XKR5: variants seen among roughly 807,000 people sequenced by gnomAD.
XKR5 encodes the protein XK-related protein 5.
A neutral mutation model predicts 40.8 loss-of-function variants in XKR5; 46 were observed. That is an observed-to-expected ratio of 1.13 (90% CI 0.89 to 1.44). The LOEUF is 1.44. XKR5 is among the 40% of genes most tolerant of loss of function. The pLI is 0.00. For synonymous variants in XKR5, 466 were observed against 356.1 expected (o/e 1.31, Z -3.48); for missense variants, 1,169 against 844.7 (o/e 1.38, Z -4.76).
At chr8:6,813,194 C>A (rs1354316446) in intron 6 of XKR5, among the ~76,000 whole-genome samples, 1 of 152,168 alleles carries the variant, frequency 6.6e-6, no homozygotes, top group Non-Finnish European at 1.5e-5. Flanking sequence ...AGACCCAGAT[C>A]AAGCAGCTGG....
At chr8:6,830,872 A>G (rs1043310696) in intron 2 of XKR5, among the ~76,000 whole-genome samples, 3 of 152,192 alleles carry the variant, frequency 2.0e-5, no homozygotes, top group African/African-American at 7.2e-5. Context: ...TGTGGGGTCC[A>G]CTGTGAAATA....
chr8:6,820,462 A>G (rs748244203), intron 5 of XKR5, among the ~76,000 whole-genome samples: 1 of 152,248 alleles, frequency 6.6e-6, no homozygotes, highest in African/African-American at 2.4e-5. Context: ...TGACAAATGC[A>G]AGCAAACAAG....
intron 2 of XKR5, 97 bp from the exon 3 acceptor site, chr8:6,825,446 A>C (rs1804422041): frequency 1.6e-5 from 20 of 1,268,022 alleles, no homozygotes; most frequent in Admixed American, 3.2e-5. Flanking sequence ...GCTAAGCAAT[A>C]TCCTATGCCC....
chr8:6,818,963 G>A (rs910435232), intron 5 of XKR5, among the ~76,000 whole-genome samples: 4 of 152,248 alleles, frequency 2.6e-5, no homozygotes, highest in South Asian at 2.1e-4. Context: ...GATCACTTGA[G>A]CCTAGAAAGT....
intron 2 of XKR5, among the ~76,000 whole-genome samples, chr8:6,832,243 GA>G (rs1163184232): frequency 1.3e-5 from 2 of 151,474 alleles, no homozygotes; most frequent in African/African-American, 4.9e-5. Flanking sequence ...CTTCTTTAGA[GA>G]AAAAACTAGC....
intron 2 of XKR5, among the ~76,000 whole-genome samples, chr8:6,830,602 T>A (rs776005490): frequency 2.0e-5 from 3 of 152,268 alleles, no homozygotes; most frequent in Non-Finnish European, 4.4e-5. Flanking sequence ...TTCATCTCGA[T>A]ACCTGGCCTT....
intron 6 of XKR5, among the ~76,000 whole-genome samples, chr8:6,814,016 C>G (rs867062518): frequency 6.6e-6 from 1 of 152,194 alleles, no homozygotes; most frequent in African/African-American, 2.4e-5. Context: ...TTAGACCTCC[C>G]GGCCGGCAAG....
chr8:6,820,077 G>A (rs2047901436), intron 5 of XKR5, among the ~76,000 whole-genome samples: 1 of 152,220 alleles, frequency 6.6e-6, no homozygotes, highest in Non-Finnish European at 1.5e-5. Context: ...TGGGTGTGGG[G>A]GCAGGGGGAG....
rs114708970 is a variant in XKR5, at chr8:6,835,352, G to A, written c.58+84C>T. 9,898 of 1,307,676 alleles carry A rather than the reference G, an allele frequency of 7.6e-3. 321 individuals carry two copies. The highest frequency in any genetic ancestry group is 0.069 in the African/African-American group (4,468 of 64,452). 81.0% of individuals were successfully genotyped at this position (1,307,676 alleles called of 1,614,324 possible). A position where few individuals can be genotyped will look rare whatever the true frequency, so the allele number is the denominator to read the frequency against. On this transcript the variant is annotated intron_variant, in intron 1 of 6. Coordinates refer to ENST00000618742, the MANE Select transcript of XKR5 (RefSeq NM_207411.5). ...GCAGGCTGGGGCAGTGCCCGCCCGG[G>A]CATAGGCAGCCTGTGCGGCTCCCGG...
intron 2 of XKR5, among the ~76,000 whole-genome samples, chr8:6,831,774 G>A (rs1387880564): frequency 6.6e-6 from 1 of 152,144 alleles, no homozygotes; most frequent in African/African-American, 2.4e-5. Context: ...CCAGCACTTT[G>A]GGAGGCCAAG....
chr8:6,812,019 T>A lies in XKR5; in HGVS notation c.1240A>T (p.Thr414Ser), dbSNP rs1803733039. 2 of 1,537,358 alleles carry A rather than the reference T, an allele frequency of 1.3e-6. No individual in the cohort carries two copies. The highest frequency in any genetic ancestry group is 2.7e-5 in the African/African-American group (2 of 73,032). The change falls in exon 7 of 7, where the codon ACA (threonine) becomes TCA (serine). Residue 414 changes from threonine to serine, a missense_variant. Coordinates refer to ENST00000618742, the MANE Select transcript of XKR5 (RefSeq NM_207411.5). ...HWLWVKLALKTGNVSKINAAF... is the reference protein window; with the variant it reads ...HWLWVKLALKSGNVSKINAAF... ...GCATTGATCTTAGACACATTTCCTG[T>A]TTTTAGGGCAAGTTTCACCCACAGC...
intron 5 of XKR5, among the ~76,000 whole-genome samples, chr8:6,816,531 C>G (rs1749295128): frequency 6.6e-6 from 1 of 152,074 alleles, no homozygotes; most frequent in African/African-American, 2.4e-5. Context: ...AGCTTATTAA[C>G]TTTGCTTTCC....
intron 6 of XKR5, among the ~76,000 whole-genome samples, chr8:6,814,906 G>T (rs1803890605): frequency 6.6e-6 from 1 of 152,128 alleles, no homozygotes; most frequent in Non-Finnish European, 1.5e-5. Context: ...ACTCACACAG[G>T]CCACATCCAA....
chr8:6,815,518 C>G (rs1031359537), intron 6 of XKR5, among the ~76,000 whole-genome samples: 1 of 152,074 alleles, frequency 6.6e-6, no homozygotes, highest in African/African-American at 2.4e-5. Flanking sequence ...AGAGAAGTCA[C>G]GTCCTCAACC....
At chr8:6,821,149 C>G (rs1338697523) in intron 5 of XKR5, among the ~76,000 whole-genome samples, 1 of 152,028 alleles carries the variant, frequency 6.6e-6, no homozygotes, top group Non-Finnish European at 1.5e-5. Context: ...GTCAGCAGAG[C>G]TGGGCTCCAG....
rs530419048 is a variant in XKR5, at chr8:6,811,705, A to G, written c.1554T>C (p.Ala518=). Residue 518 remains alanine, a synonymous_variant, in exon 7 of 7, where the codon GCT becomes GCC. Transcript: ENST00000618742. ...GEGTPKEGAD[A]VSGTQGKGTG... is the part of the protein sequence containing the mutation. ...TCCCCTTCCCCTGTGTCCCAGAAAC[A>G]GCGTCAGCTCCTTCCTTTGGGGTGC... 2.0e-6 allele frequency: 3 copies of G among 1,537,634 alleles called. No individual in the cohort carries two copies. Among genetic ancestry groups the G allele is most frequent in the Non-Finnish European group, 2.6e-6 (3 of 1,147,028 alleles).
At chr8:6,813,760 C>G (rs570940370) in intron 6 of XKR5, among the ~76,000 whole-genome samples, 13 of 152,184 alleles carry the variant, frequency 8.5e-5, no homozygotes. Flanking sequence ...ACTCCCTACT[C>G]ACTGCCCTCC....
At position 6,829,878 on chromosome 8, in the gene XKR5, C is replaced by G. The variant is rs190122555; in HGVS notation, c.242+2839G>C. On this transcript the variant is annotated intron_variant, in intron 2 of 6. Transcript: ENST00000618742. ...TTTGAGACGGAGTCTCGCTCTGTCA[C>G]CCAAGCTGGAGTCCAGTGATGCAAT... 9.4e-5 allele frequency among the ~76,000 whole-genome samples: 12 copies of G among 127,642 alleles called. No individual in the cohort carries two copies. In the East Asian group the frequency reaches 3.1e-3, roughly 33 times the overall value. The allele number at this position is 127,642 out of a possible 152,430, so 83.7% of individuals were successfully genotyped here.
At position 6,810,890 on chromosome 8, in the gene XKR5, GC is replaced by G. The variant is rs1482511425; in HGVS notation, c.*307del. The G allele has an allele frequency of 4.4e-6, 1 of 228,998 alleles. No individual in the cohort carries two copies. The highest frequency in any genetic ancestry group is 8.5e-6 in the Non-Finnish European group (1 of 118,220). The allele number at this position is 228,998 out of a possible 1,614,324, so 14.2% of individuals were successfully genotyped here. On this transcript the variant is annotated 3_prime_UTR_variant, in exon 7 of 7. Coordinates refer to ENST00000618742, the MANE Select transcript of XKR5 (RefSeq NM_207411.5). The stretch of plus-strand genomic sequence containing the variant: ...ACCTTTGTGTTTCCTAGAAGCCACA[GC>G]AAAAAGATAAAATAAGGGAACCTAC...
Sources: gnomAD v4.1 joint callset for allele counts (sites outside exome capture counted in the v4.1 genomes callset) on GRCh38, gnomAD v4.1.1 for gene constraint, MANE v1.5 for transcripts, NCBI Gene and HGNC (gene_info 2026-07-23, HGNC 2026-07-21) for gene names.